EIF4G3: variants seen among roughly 807,000 people sequenced by gnomAD.
EIF4G3 encodes the protein eIF-4-gamma 3.
EIF4G3 carries 34 observed loss-of-function variants against 186.4 expected under a neutral mutation model. That is an observed-to-expected ratio of 0.18 (90% CI 0.14 to 0.24). The LOEUF (loss-of-function observed/expected upper bound fraction) is 0.24, where lower values mean the gene tolerates loss of function less well. Among genes scored for constraint, EIF4G3 ranks in the 10% least tolerant of loss-of-function variants. EIF4G3 has a pLI of 1.00. For missense variants in EIF4G3, 1,536 were observed against 1,948.5 expected, an observed-to-expected ratio of 0.79 and a Z score of 3.99; for synonymous variants, 673 against 679.5, an observed-to-expected ratio of 0.99 and a Z score of 0.15.
At chr1:20,843,338 A>G (rs1485656037) in intron 29 of EIF4G3, among the ~76,000 whole-genome samples, 3 of 151,896 alleles carry the variant, frequency 2.0e-5, no homozygotes, top group African/African-American at 7.2e-5. Flanking sequence ...CCAAGAAGGT[A>G]AAACCCCGTG....
At chr1:20,915,623 T>C (rs549573941) in intron 14 of EIF4G3, among the ~76,000 whole-genome samples, 1 of 152,290 alleles carries the variant, frequency 6.6e-6, no homozygotes, top group South Asian at 2.1e-4. Context: ...AAAAAAACCA[T>C]ATGATTTACT....
chr1:21,045,506 G>A (rs1035795050), intron 4 of EIF4G3, among the ~76,000 whole-genome samples: 4 of 152,142 alleles, frequency 2.6e-5, no homozygotes, highest in African/African-American at 9.7e-5. Context: ...ACAGCAGGCA[G>A]ATAACACCTA....
chr1:20,984,544 T>TTATA lies in EIF4G3; in HGVS notation c.178-2140_178-2137dup, dbSNP rs756259591. Among the ~76,000 whole-genome samples the TTATA allele has an allele frequency of 1.5e-3, 223 of 145,006 alleles. 2 individuals carry two copies. The highest frequency in any genetic ancestry group is 5.1e-3 in the African/African-American group (198 of 38,568). On this transcript the variant is annotated intron_variant, in intron 7 of 36. Transcript: ENST00000602326. ...TATTTGTAAAGCACCAACCTAAGCATTATATATATATATATACACACACAC... is the reference window on the plus strand; with the variant it reads ...TATTTGTAAAGCACCAACCTAAGCATTATATATATATATATATATACACACACAC...
At chr1:21,082,142 T>G (rs956926818) in intron 3 of EIF4G3, among the ~76,000 whole-genome samples, 1 of 148,564 alleles carries the variant, frequency 6.7e-6, no homozygotes, top group African/African-American at 2.5e-5. Flanking sequence ...ATCCCTATTA[T>G]GTAAAATGAC....
intron 3 of EIF4G3, among the ~76,000 whole-genome samples, chr1:21,054,820 T>G (rs955254294): frequency 1.3e-5 from 2 of 151,962 alleles, no homozygotes; most frequent in African/African-American, 4.8e-5. Context: ...ATCCCAATAC[T>G]GAAATCAAAT....
intron 7 of EIF4G3, among the ~76,000 whole-genome samples, chr1:20,988,023 T>C (rs1364368984): frequency 6.6e-6 from 1 of 152,176 alleles, no homozygotes; most frequent in Non-Finnish European, 1.5e-5. Flanking sequence ...GCAGTTTGGA[T>C]AGAAGATCAA....
chr1:21,102,015 G>A (rs1024808065), intron 2 of EIF4G3, among the ~76,000 whole-genome samples: 1 of 152,266 alleles, frequency 6.6e-6, no homozygotes, highest in South Asian at 2.1e-4. Context: ...AGCTTGAGAA[G>A]ATTTATGAAA....
At chr1:20,823,834 C>T (rs2154546599) in intron 33 of EIF4G3, among the ~76,000 whole-genome samples, 1 of 152,254 alleles carries the variant, frequency 6.6e-6, no homozygotes, top group East Asian at 1.9e-4. Flanking sequence ...TGTCTGTTTA[C>T]TTTTATCTTT....
intron 3 of EIF4G3, among the ~76,000 whole-genome samples, chr1:21,073,157 G>C (rs939332191): frequency 3.3e-5 from 5 of 152,082 alleles, no homozygotes. Flanking sequence ...TAATAAATAT[G>C]AGTATTTTCA....
chr1:20,981,510 T>C (rs1231010790), intron 8 of EIF4G3, among the ~76,000 whole-genome samples: 2 of 134,508 alleles, frequency 1.5e-5, no homozygotes, highest in Non-Finnish European at 3.3e-5. Context: ...ACGCACATAC[T>C]GTATATATAC....
intron 2 of EIF4G3, among the ~76,000 whole-genome samples, chr1:21,149,338 ATTCT>A (rs2097512461): frequency 6.6e-6 from 1 of 152,206 alleles, no homozygotes; most frequent in African/African-American, 2.4e-5. Flanking sequence ...GTAAACTGTT[ATTCT>A]TTTTTTTTCC....
At chr1:20,925,063 C>G (rs987104599) in intron 14 of EIF4G3, among the ~76,000 whole-genome samples, 1 of 152,168 alleles carries the variant, frequency 6.6e-6, no homozygotes, top group African/African-American at 2.4e-5. Flanking sequence ...TTAAGTATTT[C>G]CTACTTATCC....
At chr1:21,084,977 TAA>T (rs2095912081) in intron 3 of EIF4G3, among the ~76,000 whole-genome samples, 1 of 127,594 alleles carries the variant, frequency 7.8e-6, no homozygotes, top group Non-Finnish European at 1.8e-5. Flanking sequence ...TGACACACAG[TAA>T]AAGCTTAAGC....
intron 33 of EIF4G3, among the ~76,000 whole-genome samples, chr1:20,819,504 T>C (rs1343555266): frequency 6.6e-6 from 1 of 151,476 alleles, no homozygotes; most frequent in African/African-American, 2.4e-5. Context: ...TTTGCCCGGG[T>C]TGCAGTGCAA....
intron 14 of EIF4G3, among the ~76,000 whole-genome samples, chr1:20,906,338 C>A (rs1265727844): frequency 6.6e-6 from 1 of 152,144 alleles, no homozygotes. Flanking sequence ...CTGTTTAATG[C>A]ATTTCCTCCA....
At chr1:20,965,561 G>A (rs2074442282) in intron 12 of EIF4G3, among the ~76,000 whole-genome samples, 1 of 82,464 alleles carries the variant, frequency 1.2e-5, no homozygotes, top group Non-Finnish European at 3.1e-5. Flanking sequence ...CTCCTTCAAT[G>A]AATTTCTCAC....
At chr1:21,011,348 T>C (rs2087016500) in intron 4 of EIF4G3, among the ~76,000 whole-genome samples, 1 of 152,114 alleles carries the variant, frequency 6.6e-6, no homozygotes, top group South Asian at 2.1e-4. Context: ...ACTTTTTAAG[T>C]TGAAATAATT....
At chr1:20,823,357 G>A (rs1258824597) in intron 33 of EIF4G3, among the ~76,000 whole-genome samples, 1 of 151,640 alleles carries the variant, frequency 6.6e-6, no homozygotes, top group African/African-American at 2.4e-5. Context: ...AGATTTTGGT[G>A]TGTGTGTGTG....
chr1:21,057,091 GA>G (rs1378953403), intron 3 of EIF4G3, among the ~76,000 whole-genome samples: 6 of 152,156 alleles, frequency 3.9e-5, no homozygotes, highest in Non-Finnish European at 8.8e-5. Context: ...ACCACTTTGG[GA>G]AGCAATTTGG....
Sources: allele counts gnomAD v4.1 joint callset (sites outside exome capture counted in the v4.1 genomes callset), GRCh38; gene constraint gnomAD v4.1.1; transcripts MANE v1.5; gene names NCBI Gene and HGNC (gene_info 2026-07-23, HGNC 2026-07-21).